The following RP1 variants were observed in gnomAD, a reference collection of about 807,000 sequenced individuals.
RP1 encodes oxygen-regulated protein 1.
Under a neutral mutation model 14.8 loss-of-function variants are expected in RP1, and 16 were observed. That is an observed-to-expected ratio of 1.08 (90% CI 0.73 to 1.65). The LOEUF (loss-of-function observed/expected upper bound fraction) is 1.65, where lower values mean the gene tolerates loss of function less well. RP1 is among the 40% of genes most tolerant of loss of function. The pLI is 0.00. For synonymous variants in RP1, 876 were observed against 883.6 expected (o/e 0.99, Z 0.15); for missense variants, 2,631 against 2,535.0 (o/e 1.04, Z -0.81).
chr8:54,637,223 A>G (rs1222926428), intron 3 of RP1, among the ~76,000 whole-genome samples: 1 of 152,206 alleles, frequency 6.6e-6, no homozygotes, highest in Non-Finnish European at 1.5e-5. Context: ...CAAAGTATGT[A>G]GAGTGCTATG....
intron 12 of RP1, among the ~76,000 whole-genome samples, chr8:54,681,240 C>A (rs1425514181): frequency 6.6e-6 from 1 of 152,028 alleles, no homozygotes; most frequent in Non-Finnish European, 1.5e-5. Flanking sequence ...AGTGAAGGAT[C>A]TAAATTGTAC....
chr8:54,620,886 C>T lies in RP1; in HGVS notation c.-12-69C>T, dbSNP rs149547948. 640 of 1,350,486 alleles carry T rather than the reference C, an allele frequency of 4.7e-4. No individual in the cohort carries two copies. The African/African-American group carries it at 7.7e-3, about 16-fold the overall frequency. The allele number at this position is 1,350,486 out of a possible 1,614,324, so 83.7% of individuals were successfully genotyped here. On this transcript the variant is annotated intron_variant, in intron 1 of 3. Transcript: ENST00000220676. ...CCTGGATGTCTGCAGCTATATTTAGCATGCATTAGTATTACCATGTATTCG... is the reference window on the plus strand; with the variant it reads ...CCTGGATGTCTGCAGCTATATTTAGTATGCATTAGTATTACCATGTATTCG...
In RP1 at chr8:54,835,909, T is replaced by C. The variant is rs556202189; in HGVS notation, c.3616-1541T>C. Among the ~76,000 whole-genome samples the C allele has an allele frequency of 8.5e-5, 13 of 152,312 alleles. 1 individual carries two copies. In the South Asian group the frequency reaches 2.1e-3, roughly 24 times the overall value. On this transcript the variant is annotated intron_variant, in intron 24 of 28. Transcript: ENST00000637698. ...GGGGATTTTAGGAGTCCTGTACTTA[T>C]CTGAACTAAGCACCAATGTTAACAT...
intron 1 of RP1, among the ~76,000 whole-genome samples, chr8:54,620,576 T>C: frequency 6.6e-6 from 1 of 152,228 alleles, no homozygotes; most frequent in South Asian, 2.1e-4. Context: ...CAGAATGTTT[T>C]GCAAACTGAT....
intron 1 of RP1, among the ~76,000 whole-genome samples, chr8:54,577,860 A>G (rs1804695089): frequency 6.6e-6 from 1 of 152,190 alleles, no homozygotes. Flanking sequence ...CGGTGCCTTG[A>G]TAATTTCAGA....
At chr8:54,745,865 C>T (rs1194737931) in intron 19 of RP1, among the ~76,000 whole-genome samples, 2 of 152,130 alleles carry the variant, frequency 1.3e-5, no homozygotes, top group Admixed American at 6.5e-5. Context: ...ATAGTACTCA[C>T]ATTTGGCAGT....
At chr8:54,584,824 C>T (rs1305593483) in intron 1 of RP1, among the ~76,000 whole-genome samples, 1 of 152,032 alleles carries the variant, frequency 6.6e-6, no homozygotes, top group East Asian at 1.9e-4. Context: ...GATTGCAACC[C>T]CTGCCTTTTT....
Position 54,627,701 on chromosome 8 carries a change from A to T in RP1, c.3819A>T (p.Thr1273=). 6.2e-7 allele frequency: 1 copy of T among 1,614,168 alleles called. No individual in the cohort carries two copies. The highest frequency in any genetic ancestry group is 8.5e-7 in the Non-Finnish European group (1 of 1,179,976). The change falls in exon 4 of 4, where the codon ACA becomes ACT. Residue 1273 remains threonine (T), a synonymous_variant. Transcript: ENST00000220676. ...TVNKAYSPKE[T]CNPSDTFFPS... is the part of the protein sequence containing the mutation. ...ATAAGGCTTATTCTCCAAAAGAGAC[A>T]TGTAACCCCAGTGACACTTTTTTTC...
chr8:54,722,453 G>T (rs918288932), intron 16 of RP1, among the ~76,000 whole-genome samples: 4 of 151,886 alleles, frequency 2.6e-5, no homozygotes, highest in South Asian at 4.2e-4. Flanking sequence ...TGTATTTTTC[G>T]TACAGACGGG....
intron 3 of RP1, among the ~76,000 whole-genome samples, chr8:54,641,291 A>G (rs900617168): frequency 1.3e-5 from 2 of 152,058 alleles, no homozygotes; most frequent in Admixed American, 1.3e-4. Context: ...CTACATACCT[A>G]TATCATGAAG....
exon 29 of RP1, chr8:54,870,607 C>T (rs1445697624): frequency 1.3e-5 from 2 of 152,150 alleles, no homozygotes; most frequent in Non-Finnish European, 2.9e-5. Context: ...ATCTCACATC[C>T]ATCGGTCACT....
intron 17 of RP1, among the ~76,000 whole-genome samples, chr8:54,733,248 G>A (rs1808834338): frequency 6.6e-6 from 1 of 152,028 alleles, no homozygotes; most frequent in Non-Finnish European, 1.5e-5. Flanking sequence ...CTTAAAATGA[G>A]CATCATAATT....
chr8:54,789,085 G>A (rs1360862436), intron 24 of RP1, among the ~76,000 whole-genome samples: 1 of 152,154 alleles, frequency 6.6e-6, no homozygotes, highest in East Asian at 1.9e-4. Context: ...GGTATACTGA[G>A]GGACTTGGCA....
chr8:54,660,287 A>C (rs769152476), intron 6 of RP1, among the ~76,000 whole-genome samples: 1 of 152,102 alleles, frequency 6.6e-6, no homozygotes, highest in Non-Finnish European at 1.5e-5. Context: ...TTTTTCTTTC[A>C]TCAATAAGTA....
Position 54,625,257 on chromosome 8 carries a change from C to A in RP1, c.1375C>A (p.Gln459Lys), listed in dbSNP as rs901533341. 6.2e-7 allele frequency: 1 copy of A among 1,614,064 alleles called. No homozygotes were observed. The highest frequency in any genetic ancestry group is 1.1e-5 in the South Asian group (1 of 91,074). Residue 459 changes from glutamine to lysine, a missense_variant, in exon 4 of 4, where the codon CAA (glutamine) becomes AAA (lysine). Physicochemically the swap from Gln to Lys is moderately conservative, Grantham distance 53. Coordinates refer to ENST00000220676, the MANE Select transcript of RP1 (RefSeq NM_006269.2). ...TACACCTGGACTAAGAAGAGTGAGA[C>A]AAAAGAAATCTGTGATTGGCAGTGT... is the stretch of plus-strand genomic sequence containing the variant. ...PPTPGLRRVR[Q>K]KKSVIGSVTL...
chr8:54,704,154 C>T (rs953396030), intron 14 of RP1, among the ~76,000 whole-genome samples: 1 of 152,186 alleles, frequency 6.6e-6, no homozygotes, highest in African/African-American at 2.4e-5. Context: ...CACAAGGGGC[C>T]TAGCTTTAGA....
At chr8:54,586,538 A>G (rs572097699) in intron 1 of RP1, among the ~76,000 whole-genome samples, 11 of 152,336 alleles carry the variant, frequency 7.2e-5, no homozygotes, top group Non-Finnish European at 1.5e-4. Context: ...AGACAGGGAC[A>G]TTTAAGTCTG....
chr8:54,838,165 T>A (rs147567565), intron 25 of RP1, among the ~76,000 whole-genome samples: 344 of 152,370 alleles, frequency 2.3e-3, no homozygotes, highest in African/African-American at 7.9e-3. Context: ...CTTTCTGTAA[T>A]CTGCTTTGCT....
At chr8:54,861,960 T>C (rs1429004802) in intron 27 of RP1, among the ~76,000 whole-genome samples, 4 of 152,140 alleles carry the variant, frequency 2.6e-5, no homozygotes, top group African/African-American at 9.7e-5. Flanking sequence ...GGTTCCCAAC[T>C]GGGGGCAAAT....
Sources: gnomAD v4.1 joint callset for allele counts (sites outside exome capture counted in the v4.1 genomes callset) on GRCh38, gnomAD v4.1.1 for gene constraint, MANE v1.5 for transcripts, NCBI Gene and HGNC (gene_info 2026-07-23, HGNC 2026-07-21) for gene names.